Variants in CHST6 observed in about 807,000 individuals in gnomAD.
CHST6 encodes N-acetylglucosamine 6-O-sulfotransferase 5.
For synonymous variants in CHST6, 309 were observed against 276.4 expected (o/e 1.12, Z -1.17); for missense variants, 698 against 586.2 (o/e 1.19, Z -1.97).
At position 75,478,593 on chromosome 16, in the gene CHST6, C is replaced by T; in HGVS notation, c.*48G>A. On this transcript the variant is annotated 3_prime_UTR_variant, in exon 3 of 3. Coordinates refer to ENST00000332272, the MANE Select transcript of CHST6 (RefSeq NM_021615.5). ...CCGTGCGCCCCAGCCCCCTCTGCAC[C>T]ATGCACTCTCCTCCCGGGCCTAGCG... 1 of 1,593,518 alleles carries T rather than the reference C, an allele frequency of 6.3e-7. No homozygotes were observed. Among genetic ancestry groups the T allele is most frequent in the Non-Finnish European group, 8.6e-7 (1 of 1,162,112 alleles).
chr16:75,479,688 G>C lies in CHST6; in HGVS notation c.141C>G (p.Ser47=), dbSNP rs781165190. The C allele has an allele frequency of 1.2e-6, 2 of 1,612,272 alleles. No homozygotes were observed. Among genetic ancestry groups the C allele is most frequent in the Non-Finnish European group, 1.7e-6 (2 of 1,179,534 alleles). ...CGAAGGACGAGCCCGAGCGCCACGA[G>C]GACAGCACCAGCACATGCACGCGCG... ...GEARVHVLVL[S]SWRSGSSFVG... The change falls in exon 3 of 3, where the codon TCC becomes TCG. Residue 47 remains serine (S), a synonymous_variant. Transcript: ENST00000332272.
Position 75,479,567 on chromosome 16 carries a change from G to C in CHST6, c.262C>G (p.Leu88Val), listed in dbSNP as rs576029087. Residue 88 changes from leucine (L) to valine (V), a missense_variant, in exon 3 of 3, where the codon CTG becomes GTG. By Grantham distance (32) the Leu-to-Val change is conservative. Transcript: ENST00000332272. ...TTLSQGSAAT[L>V]HMAVRDLVRS... The stretch of plus-strand genomic sequence containing the variant: ...ACCAGGTCGCGCACAGCCATGTGCA[G>C]CGTTGCGGCGCTGCCCTGCGACAGG... The C allele has an allele frequency of 1.9e-6, 3 of 1,612,978 alleles. No individual in the cohort carries two copies. The highest frequency in any genetic ancestry group is 2.2e-5 in the South Asian group (2 of 91,078).
chr16:75,490,476 C>G (rs2080243064), intron 1 of CHST6: 1 of 151,804 alleles, frequency 6.6e-6, no homozygotes, highest in African/African-American at 2.4e-5. Flanking sequence ...GAAACTCCGT[C>G]TCAAAAAAAA....
At position 75,474,738 on chromosome 16, in the gene CHST6, A is replaced by T; in HGVS notation, c.*3903T>A. 2.5e-6 allele frequency: 1 copy of T among 398,544 alleles called. No individual in the cohort carries two copies. Among genetic ancestry groups the T allele is most frequent in the Non-Finnish European group, 4.4e-6 (1 of 226,040 alleles). 24.7% of individuals were successfully genotyped at this position (398,544 alleles called of 1,614,324 possible). ...CAAAGTGAGGGCGAGAGAAAGACAAAGAATGAACTCCTTCATTTAAAAGGC... is the reference window on the plus strand; with the variant it reads ...CAAAGTGAGGGCGAGAGAAAGACAATGAATGAACTCCTTCATTTAAAAGGC... On this transcript the variant is annotated 3_prime_UTR_variant, in exon 3 of 3. Coordinates refer to ENST00000332272, the MANE Select transcript of CHST6 (RefSeq NM_021615.5).
chr16:75,491,856 C>G (rs916668403), intron 1 of CHST6, among the ~76,000 whole-genome samples: 2 of 152,158 alleles, frequency 1.3e-5, no homozygotes, highest in African/African-American at 4.8e-5. Context: ...ACCTGAGTAC[C>G]CAGTTAGCCA....
Position 75,479,090 on chromosome 16 carries a change from G to T in CHST6, c.739C>A (p.Arg247Ser). Residue 247 changes from arginine (R) to serine (S), a missense_variant, in exon 3 of 3, where the codon CGT becomes AGT. By Grantham distance (110) the Arg-to-Ser change is moderately radical (BLOSUM62 -1). Transcript: ENST00000332272. The stretch of plus-strand genomic sequence containing the variant: ...GCCTCGGCGATGCGTACGTGGCTAC[G>T]GCACACCTCGCGCACCACGCGCAGG... ...PGLRVVREVC[R>S]SHVRIAEAAT... 1 of 1,605,216 alleles carries T rather than the reference G, an allele frequency of 6.2e-7. No individual in the cohort carries two copies. The highest frequency in any genetic ancestry group is 8.5e-7 in the Non-Finnish European group (1 of 1,179,014).
chr16:75,481,929 G>A (rs1238641057), intron 1 of CHST6, 38 bp from the exon 2 acceptor site: 24 of 453,104 alleles, frequency 5.3e-5, no homozygotes, highest in Admixed American at 4.2e-4. Flanking sequence ...ACACTCTACA[G>A]GGGAAGATAG....
chr16:75,491,190 A>AAAAAAATATATATATATAT (rs1206595857), intron 1 of CHST6, among the ~76,000 whole-genome samples: 3 of 50,068 alleles, frequency 6.0e-5, no homozygotes, highest in African/African-American at 1.1e-4. Flanking sequence ...AAAAAAAAAA[A>AAAAAAATATATATATATAT]ATATATATAT....
rs1297124870 is a variant in CHST6, at chr16:75,474,237, CTCTT to C, written c.*4400_*4403del. The C allele has an allele frequency of 2.0e-5, 4 of 203,108 alleles. No homozygotes were observed. Among genetic ancestry groups the C allele is most frequent in the African/African-American group, 9.2e-5 (4 of 43,714 alleles). The allele number at this position is 203,108 out of a possible 1,614,324, so 12.6% of individuals were successfully genotyped here. A position where few individuals can be genotyped will look rare whatever the true frequency, so the allele number is the denominator to read the frequency against. ...AATCTGTCTTTTCATTAAAAAGTCTCTCTTAATCTGTTTTGTTTTGCTATAACAA... is the reference window on the plus strand; with the variant it reads ...AATCTGTCTTTTCATTAAAAAGTCTCAATCTGTTTTGTTTTGCTATAACAA... On this transcript the variant is annotated 3_prime_UTR_variant, in exon 3 of 3. Transcript: ENST00000332272.
At chr16:75,487,994 C>A (rs185956591) in intron 1 of CHST6, among the ~76,000 whole-genome samples, 83 of 151,838 alleles carry the variant, frequency 5.5e-4, no homozygotes, top group African/African-American at 2.0e-3. Context: ...CACTCCACCT[C>A]AAAAAACAAA....
intron 1 of CHST6, among the ~76,000 whole-genome samples, chr16:75,489,546 C>T (rs1349182068): frequency 6.6e-6 from 1 of 152,006 alleles, no homozygotes; most frequent in African/African-American, 2.4e-5. Flanking sequence ...AGTAACAAAG[C>T]TGACATACAT....
At chr16:75,482,699 A>G (rs974278068) in intron 1 of CHST6, among the ~76,000 whole-genome samples, 1 of 152,090 alleles carries the variant, frequency 6.6e-6, no homozygotes, top group African/African-American at 2.4e-5. Context: ...AGGAGCCTGG[A>G]AGTTTTCTCC....
At chr16:75,494,663 A>G (rs2080290554) in intron 1 of CHST6, among the ~76,000 whole-genome samples, 1 of 152,316 alleles carries the variant, frequency 6.6e-6, no homozygotes, top group Admixed American at 6.5e-5. Context: ...TTTGAAAGTC[A>G]TGTCCTTTGA....
chr16:75,479,018 C>T lies in CHST6; in HGVS notation c.811G>A (p.Val271Met), dbSNP rs775623657. ...TCCCGCGCCAGGTCCTCGAAGCGCACCAGGCGGTAGCGGCCGCGCAGAAAG... is the reference window on the plus strand; with the variant it reads ...TCCCGCGCCAGGTCCTCGAAGCGCATCAGGCGGTAGCGGCCGCGCAGAAAG... ...PPFLRGRYRL[V>M]RFEDLAREPL... The change falls in exon 3 of 3, where the codon GTG becomes ATG. Residue 271 changes from valine to methionine, a missense_variant. Val to Met is a conservative substitution (Grantham distance 21). Coordinates refer to ENST00000332272, the MANE Select transcript of CHST6 (RefSeq NM_021615.5). 1 of 1,611,182 alleles carries T rather than the reference C, an allele frequency of 6.2e-7. No homozygotes were observed. Among genetic ancestry groups the T allele is most frequent in the South Asian group, 1.1e-5 (1 of 91,076 alleles).
rs188432382 is a variant in CHST6 at position 75,473,712 on chromosome 16, C to A, written c.*4929G>T. 13 of 152,292 alleles carry A rather than the reference C, an allele frequency of 8.5e-5. No individual in the cohort carries two copies. The highest frequency in any genetic ancestry group is 8.5e-4 in the Admixed American group (13 of 15,274). 9.4% of individuals were successfully genotyped at this position (152,292 alleles called of 1,614,324 possible). A position where few individuals can be genotyped will look rare whatever the true frequency, so the allele number is the denominator to read the frequency against. On this transcript the variant is annotated 3_prime_UTR_variant, in exon 3 of 3. Transcript: ENST00000332272. Reference sequence around the variant, plus strand: ...CAGCTTCCTCTCGGATATTTACCATCCCATAGTTTACCACCTTTGGAAGCC... The same window carrying A: ...CAGCTTCCTCTCGGATATTTACCATACCATAGTTTACCACCTTTGGAAGCC...
intron 1 of CHST6, among the ~76,000 whole-genome samples, chr16:75,485,584 A>G (rs1467670524): frequency 6.6e-6 from 1 of 152,206 alleles, no homozygotes; most frequent in Non-Finnish European, 1.5e-5. Context: ...TGTTTCCCTT[A>G]GTTTTCCTTG....
In CHST6 at chr16:75,472,601, G is replaced by C. The variant is rs965829886; in HGVS notation, c.*6040C>G. The stretch of plus-strand genomic sequence containing the variant: ...AAAACCATTGATTTAACCCTGTAGA[G>C]GTGATGGGGCAGTTGTGGCAGTGGT... On this transcript the variant is annotated 3_prime_UTR_variant, in exon 3 of 3. Transcript: ENST00000332272. The C allele has an allele frequency of 3.9e-5, 6 of 152,300 alleles. No homozygotes were observed. The highest frequency in any genetic ancestry group is 1.2e-4 in the African/African-American group (5 of 41,456). 9.4% of individuals were successfully genotyped at this position (152,300 alleles called of 1,614,324 possible). A position where few individuals can be genotyped will look rare whatever the true frequency, so the allele number is the denominator to read the frequency against.
intron 2 of CHST6, among the ~76,000 whole-genome samples, chr16:75,480,570 A>AT (rs34408881): frequency 0.55 from 82,528 of 149,412 alleles, 23,151 homozygotes; most frequent in Admixed American, 0.67. Flanking sequence ...GCAGTGTATG[A>AT]TTTTTTTTTT....
intron 1 of CHST6, among the ~76,000 whole-genome samples, chr16:75,486,052 C>T (rs1490114231): frequency 4.6e-5 from 7 of 152,194 alleles, no homozygotes; most frequent in South Asian, 2.1e-4. Context: ...TTCAGATGGC[C>T]GGGAATAATC....
Sources: gnomAD v4.1 joint callset for allele counts (sites outside exome capture counted in the v4.1 genomes callset) on GRCh38, gnomAD v4.1.1 for gene constraint, MANE v1.5 for transcripts, NCBI Gene and HGNC (gene_info 2026-07-23, HGNC 2026-07-21) for gene names.